The following RBFOX1 variants were observed in gnomAD, a reference collection of about 807,000 sequenced individuals.
RBFOX1 encodes RNA binding protein fox-1 homolog 1.
RBFOX1 carries 8 observed loss-of-function variants against 57.7 expected under a neutral mutation model. The ratio of observed to expected loss-of-function variants is 0.14; its 90% CI spans 0.08 to 0.25. The LOEUF is 0.25. Among genes scored for constraint, RBFOX1 ranks in the 10% least tolerant of loss-of-function variants. RBFOX1 has a pLI of 1.00. For synonymous variants in RBFOX1, 326 were observed against 222.4 expected, an observed-to-expected ratio of 1.47 and a Z score of -4.15; for missense variants, 611 against 548.5, an observed-to-expected ratio of 1.11 and a Z score of -1.14.
intron 2 of RBFOX1, among the ~76,000 whole-genome samples, chr16:6,474,021 C>G (rs995011534): frequency 1.3e-5 from 2 of 152,080 alleles, no homozygotes; most frequent in African/African-American, 2.4e-5. Context: ...GGATAGCAGG[C>G]TGGCTTCCTG....
intron 1 of RBFOX1, among the ~76,000 whole-genome samples, chr16:5,281,525 T>C (rs529693695): frequency 1.3e-5 from 2 of 152,338 alleles, no homozygotes; most frequent in South Asian, 2.1e-4. Context: ...GAGTAGGATA[T>C]TGAAGTGCTC....
intron 1 of RBFOX1, among the ~76,000 whole-genome samples, chr16:5,423,561 G>A (rs544825327): frequency 3.3e-5 from 5 of 152,258 alleles, no homozygotes; most frequent in South Asian, 2.1e-4. Flanking sequence ...CTGTTGCTGC[G>A]TGTCTCTGAG....
At chr16:5,842,584 C>G (rs146727203) in intron 3 of RBFOX1, among the ~76,000 whole-genome samples, 4 of 152,118 alleles carry the variant, frequency 2.6e-5, no homozygotes, top group African/African-American at 4.8e-5. Flanking sequence ...TTTTTCAAGG[C>G]AAGTGTATGT....
chr16:5,939,450 C>T (rs961141924), intron 4 of RBFOX1, among the ~76,000 whole-genome samples: 3 of 152,200 alleles, frequency 2.0e-5, no homozygotes, highest in African/African-American at 7.2e-5. Flanking sequence ...ATGGCTCACA[C>T]ATGTGGCTTT....
chr16:6,816,687 C>T (rs1432432960), intron 3 of RBFOX1, among the ~76,000 whole-genome samples: 3 of 147,440 alleles, frequency 2.0e-5, no homozygotes, highest in Non-Finnish European at 4.4e-5. Flanking sequence ...TTGCAGTGAG[C>T]TGAGACTGCA....
intron 10 of RBFOX1, among the ~76,000 whole-genome samples, chr16:7,608,909 C>T (rs977273784): frequency 2.0e-5 from 3 of 152,130 alleles, no homozygotes; most frequent in South Asian, 2.1e-4. Flanking sequence ...AGATTCTTTC[C>T]TTCATTGATG....
chr16:7,204,032 G>T (rs1266234666), intron 4 of RBFOX1, among the ~76,000 whole-genome samples: 1 of 152,200 alleles, frequency 6.6e-6, no homozygotes, highest in African/African-American at 2.4e-5. Context: ...CTAACATTTC[G>T]ATCTGCAGCC....
chr16:6,813,070 A>T (rs1053366305), intron 3 of RBFOX1, among the ~76,000 whole-genome samples: 1 of 152,066 alleles, frequency 6.6e-6, no homozygotes, highest in East Asian at 1.9e-4. Flanking sequence ...GCTGATGTAT[A>T]TGAAGAAAAC....
intron 3 of RBFOX1, among the ~76,000 whole-genome samples, chr16:6,668,178 T>C (rs1476955355): frequency 6.6e-6 from 1 of 152,140 alleles, no homozygotes; most frequent in Non-Finnish European, 1.5e-5. Flanking sequence ...AGACCAGGGA[T>C]TGGAAACAGA....
At chr16:6,810,282 C>A (rs879403896) in intron 3 of RBFOX1, among the ~76,000 whole-genome samples, 1 of 152,196 alleles carries the variant, frequency 6.6e-6, no homozygotes, top group African/African-American at 2.4e-5. Flanking sequence ...TCAAATTGGT[C>A]TGTCACTGAA....
intron 3 of RBFOX1, among the ~76,000 whole-genome samples, chr16:6,900,827 A>C (rs2068292018): frequency 6.6e-6 from 1 of 152,096 alleles, no homozygotes; most frequent in South Asian, 2.1e-4. Context: ...TTAACATGTT[A>C]TGGTTGTTGA....
chr16:7,210,657 G>A (rs889114150), intron 4 of RBFOX1, among the ~76,000 whole-genome samples: 5 of 152,160 alleles, frequency 3.3e-5, no homozygotes, highest in Non-Finnish European at 7.3e-5. Context: ...CTTAGTAGGT[G>A]TCAGGCATGC....
chr16:7,495,216 C>T (rs114746214), intron 4 of RBFOX1, among the ~76,000 whole-genome samples: 282 of 152,258 alleles, frequency 1.9e-3, no homozygotes, highest in Middle Eastern at 6.8e-3. Context: ...TCCAGTCCAC[C>T]GCTGATACAC....
At chr16:6,641,463 G>C (rs549749025) in intron 2 of RBFOX1, among the ~76,000 whole-genome samples, 29 of 152,038 alleles carry the variant, frequency 1.9e-4, no homozygotes, top group Non-Finnish European at 3.2e-4. Context: ...CGCCGGGCAC[G>C]GTGGCCCACA....
chr16:6,886,370 C>T (rs997061391), intron 3 of RBFOX1, among the ~76,000 whole-genome samples: 33 of 152,014 alleles, frequency 2.2e-4, no homozygotes, highest in African/African-American at 8.0e-4. Flanking sequence ...CCCAGTGAAG[C>T]ACCTTACGTG....
At chr16:7,458,845 A>G (rs547050568) in intron 4 of RBFOX1, among the ~76,000 whole-genome samples, 8 of 152,080 alleles carry the variant, frequency 5.3e-5, no homozygotes, top group African/African-American at 1.7e-4. Context: ...GCTTATCACC[A>G]TTTGACATAC....
At chr16:7,158,625 C>T (rs1218878718) in intron 4 of RBFOX1, among the ~76,000 whole-genome samples, 2 of 151,504 alleles carry the variant, frequency 1.3e-5, no homozygotes, top group South Asian at 2.1e-4. Context: ...TATGATGTGT[C>T]TGCATGTGTG....
In RBFOX1 at chr16:5,399,159, C is replaced by A. The variant is rs73520490; in HGVS notation, c.220-68057C>A. On this transcript the variant is annotated intron_variant, in intron 1 of 2. Transcript: ENST00000585867. ...AGGGAGGAATTCCAAGCCTCAGTTTCCTTATCTGTAAAATGCGGAAAATTA... is the reference window on the plus strand; with the variant it reads ...AGGGAGGAATTCCAAGCCTCAGTTTACTTATCTGTAAAATGCGGAAAATTA... Among the ~76,000 whole-genome samples the A allele has an allele frequency of 3.6e-3, 548 of 152,280 alleles. 6 individuals are homozygous for A. Among genetic ancestry groups the A allele is most frequent in the African/African-American group, 0.013 (528 of 41,556 alleles).
At chr16:7,505,670 C>G (rs1240277423) in intron 4 of RBFOX1, among the ~76,000 whole-genome samples, 1 of 152,134 alleles carries the variant, frequency 6.6e-6, no homozygotes, top group Non-Finnish European at 1.5e-5. Context: ...CTCCTCACTG[C>G]AAGTCGACCG....
Sources: gnomAD v4.1 joint callset for allele counts (sites outside exome capture counted in the v4.1 genomes callset) on GRCh38, gnomAD v4.1.1 for gene constraint, MANE v1.5 for transcripts, NCBI Gene and HGNC (gene_info 2026-07-23, HGNC 2026-07-21) for gene names.